DLG2: variants seen among roughly 807,000 people sequenced by gnomAD.
DLG2 encodes discs large MAGUK scaffold protein 2.
In DLG2, 45 loss-of-function variants were observed where a neutral mutation model predicts 132.5. The ratio of observed to expected loss-of-function variants is 0.34; its 90% CI spans 0.27 to 0.44. The LOEUF (loss-of-function observed/expected upper bound fraction) is 0.44, where lower values mean the gene tolerates loss of function less well. Among genes scored for constraint, DLG2 ranks in the 20% least tolerant of loss-of-function variants. The pLI is 1.00. For missense variants in DLG2, 1,045 were observed against 1,196.9 expected (o/e 0.87, Z 1.87); for synonymous variants, 424 against 419.6 (o/e 1.01, Z -0.13).
intron 18 of DLG2, among the ~76,000 whole-genome samples, chr11:83,745,701 C>T (rs1023359159): frequency 1.3e-5 from 2 of 151,934 alleles, no homozygotes; most frequent in African/African-American, 4.8e-5. Context: ...ACTCAGGATG[C>T]TGAGATAGGA....
chr11:83,736,635 T>A (rs1430070264), intron 18 of DLG2, among the ~76,000 whole-genome samples: 1 of 152,146 alleles, frequency 6.6e-6, no homozygotes, highest in South Asian at 2.1e-4. Flanking sequence ...ATCAACTGTG[T>A]GTATGATTTG....
intron 6 of DLG2, among the ~76,000 whole-genome samples, chr11:84,808,527 TTTG>T (rs1480507996): frequency 6.6e-6 from 1 of 151,996 alleles, no homozygotes; most frequent in African/African-American, 2.4e-5. Flanking sequence ...AAACAAAGAA[TTTG>T]TTGTTTAATA....
intron 6 of DLG2, among the ~76,000 whole-genome samples, chr11:84,974,706 G>T (rs1219896454): frequency 6.6e-6 from 1 of 152,182 alleles, no homozygotes; most frequent in African/African-American, 2.4e-5. Context: ...ATAGCAGTAT[G>T]TGAGAACTTG....
chr11:84,629,659 CTTAT>C (rs2099628324), intron 6 of DLG2, among the ~76,000 whole-genome samples: 2 of 152,294 alleles, frequency 1.3e-5, no homozygotes, highest in African/African-American at 4.8e-5. Flanking sequence ...CCTGGCCCAT[CTTAT>C]TCATTTGTGT....
intron 6 of DLG2, among the ~76,000 whole-genome samples, chr11:84,868,407 T>C (rs192844680): frequency 1.3e-3 from 200 of 152,254 alleles, no homozygotes; most frequent in African/African-American, 4.7e-3. Flanking sequence ...TCTGCATTCA[T>C]TGCTTCAAGT....
At chr11:83,748,639 G>C (rs559550607) in intron 18 of DLG2, among the ~76,000 whole-genome samples, 3 of 152,282 alleles carry the variant, frequency 2.0e-5, no homozygotes, top group African/African-American at 7.2e-5. Flanking sequence ...GTCAAGGAAG[G>C]CTTCACTAAG....
Position 85,453,743 on chromosome 11 carries a change from A to G in DLG2, c.40+144914T>C, listed in dbSNP as rs139356065. 9.5e-3 allele frequency: 1,452 copies of G among 152,304 alleles called. 67 individuals carry two copies. Among genetic ancestry groups the G allele is most frequent in the Non-Finnish European group, 2.6e-3 (175 of 68,024 alleles). 9.4% of individuals were successfully genotyped at this position (152,304 alleles called of 1,614,324 possible). A position where few individuals can be genotyped will look rare whatever the true frequency, so the allele number is the denominator to read the frequency against. ...AAATTAGCCAATTTCTCCCAGACAC[A>G]GGAGTTTCATACTCAACATAATCAC... On this transcript the variant is annotated intron_variant, in intron 3 of 27. Coordinates refer to ENST00000376104, the MANE Select transcript of DLG2 (RefSeq NM_001142699.3).
chr11:84,663,573 G>T (rs1382480198), intron 6 of DLG2, among the ~76,000 whole-genome samples: 2 of 152,068 alleles, frequency 1.3e-5, no homozygotes, highest in Admixed American at 6.6e-5. Context: ...TTTATTTACT[G>T]TATCTCTTAT....
intron 5 of DLG2, among the ~76,000 whole-genome samples, chr11:85,138,313 C>A (rs1229565331): frequency 6.6e-6 from 1 of 152,024 alleles, no homozygotes; most frequent in African/African-American, 2.4e-5. Context: ...CCTAACAAAT[C>A]AAAGTTTACA....
At chr11:84,175,752 C>G (rs960945537) in intron 8 of DLG2, among the ~76,000 whole-genome samples, 3 of 152,244 alleles carry the variant, frequency 2.0e-5, no homozygotes, top group South Asian at 4.1e-4. Flanking sequence ...GCTCCTTCAT[C>G]TGAAGTTCTG....
At chr11:83,550,234 G>A (rs1042590099) in intron 19 of DLG2, among the ~76,000 whole-genome samples, 8 of 152,182 alleles carry the variant, frequency 5.3e-5, no homozygotes, top group African/African-American at 1.9e-4. Context: ...GCCCTTACAG[G>A]TTGGGCCTCC....
intron 22 of DLG2, 86 bp downstream of exon 22, chr11:83,484,043 C>A: frequency 1.9e-6 from 2 of 1,058,452 alleles, no homozygotes; most frequent in East Asian, 4.8e-5. Context: ...AGGTGTGTGG[C>A]GTGGGAGAGC....
chr11:84,634,131 G>C (rs181236657), intron 6 of DLG2, among the ~76,000 whole-genome samples: 1 of 152,222 alleles, frequency 6.6e-6, no homozygotes, highest in East Asian at 1.9e-4. Context: ...CAGGCGATTT[G>C]GGTTGAGAAA....
chr11:84,432,348 G>A (rs1312960105), intron 7 of DLG2, among the ~76,000 whole-genome samples: 1 of 152,234 alleles, frequency 6.6e-6, no homozygotes, highest in African/African-American at 2.4e-5. Context: ...TATGATGACA[G>A]AGAGGAAAGC....
intron 6 of DLG2, among the ~76,000 whole-genome samples, chr11:84,874,471 G>C (rs1164531204): frequency 6.6e-6 from 1 of 152,072 alleles, no homozygotes. Context: ...GCTGGCAGGG[G>C]GTAATCACCC....
intron 19 of DLG2, among the ~76,000 whole-genome samples, chr11:83,550,052 C>A (rs1404837009): frequency 2.0e-5 from 3 of 152,062 alleles, no homozygotes; most frequent in African/African-American, 7.2e-5. Flanking sequence ...TGGGTTATAC[C>A]ACTTAATCAA....
chr11:85,296,633 T>C (rs2079237681), intron 3 of DLG2, among the ~76,000 whole-genome samples: 1 of 151,518 alleles, frequency 6.6e-6, no homozygotes, highest in African/African-American at 2.4e-5. Context: ...GATTAATAAA[T>C]CTAATATCAA....
At position 84,442,054 on chromosome 11, in the gene DLG2, T is replaced by C. The variant is rs575970510; in HGVS notation, c.519+92516A>G. On this transcript the variant is annotated intron_variant, in intron 7 of 27. Coordinates refer to ENST00000376104, the MANE Select transcript of DLG2 (RefSeq NM_001142699.3). ...TATAGTTTGAAATCAGGTAATGTGA[T>C]GCCTCCAGCTTTGTTCTTTTTGGCT... is the stretch of plus-strand genomic sequence containing the variant. Among the ~76,000 whole-genome samples, 23 of 152,350 alleles carry C rather than the reference T, an allele frequency of 1.5e-4. 1 individual carries two copies. In the South Asian group the frequency reaches 4.6e-3, roughly 30 times the overall value.
At chr11:84,836,685 T>C (rs552944066) in intron 6 of DLG2, among the ~76,000 whole-genome samples, 40 of 151,984 alleles carry the variant, frequency 2.6e-4, no homozygotes, top group Non-Finnish European at 5.5e-4. Context: ...CTCACCTTTA[T>C]ACAGTGCTGA....
Sources: gnomAD v4.1 joint callset for allele counts (sites outside exome capture counted in the v4.1 genomes callset) on GRCh38, gnomAD v4.1.1 for gene constraint, MANE v1.5 for transcripts, NCBI Gene and HGNC (gene_info 2026-07-23, HGNC 2026-07-21) for gene names.